SLC8A1: variants seen among roughly 807,000 people sequenced by gnomAD.
The protein encoded by SLC8A1 is solute carrier family 8 member A1, also known as sodium/calcium exchanger 1.
A neutral mutation model predicts 68.3 loss-of-function variants in SLC8A1; 18 were observed. That is an observed-to-expected ratio of 0.26 (90% CI 0.18 to 0.39). The LOEUF is 0.39. Among genes scored for constraint, SLC8A1 ranks in the 10% least tolerant of loss-of-function variants. The pLI is 1.00. For synonymous variants in SLC8A1, 475 were observed against 415.5 expected (o/e 1.14, Z -1.74); for missense variants, 985 against 1,156.7 (o/e 0.85, Z 2.15).
chr2:40,433,242 C>A (rs529045564), intron 1 of SLC8A1, among the ~76,000 whole-genome samples: 2 of 152,264 alleles, frequency 1.3e-5, no homozygotes, highest in African/African-American at 4.8e-5. Context: ...TTTCTAAGAC[C>A]TTTTATGATC....
intron 2 of SLC8A1, among the ~76,000 whole-genome samples, chr2:40,379,080 C>G (rs1379559744): frequency 1.3e-5 from 2 of 152,118 alleles, no homozygotes; most frequent in Non-Finnish European, 2.9e-5. Context: ...TAGCATCTGG[C>G]TCATAATAGA....
chr2:40,133,701 T>TCC (rs111377369), intron 7 of SLC8A1, among the ~76,000 whole-genome samples: 766 of 52,988 alleles, frequency 0.014, 2 homozygotes, highest in Non-Finnish European at 0.02. Flanking sequence ...GGGGCAAAAA[T>TCC]CCCCCCCCCC....
chr2:40,329,060 T>TCACACACACACACA (rs70957170), intron 2 of SLC8A1, among the ~76,000 whole-genome samples: 1 of 141,144 alleles, frequency 7.1e-6, no homozygotes, highest in Non-Finnish European at 1.6e-5. Context: ...CACTACAACC[T>TCACACACACACACA]CACACACACA....
At chr2:40,252,965 G>GTATATACA (rs1407022512) in intron 2 of SLC8A1, among the ~76,000 whole-genome samples, 1 of 106,456 alleles carries the variant, frequency 9.4e-6, no homozygotes, top group Non-Finnish European at 2.1e-5. Flanking sequence ...GTGTGTATAT[G>GTATATACA]TATGTACATA....
chr2:40,394,277 G>A (rs185020157), intron 2 of SLC8A1, among the ~76,000 whole-genome samples: 2 of 152,214 alleles, frequency 1.3e-5, no homozygotes, highest in East Asian at 1.9e-4. Flanking sequence ...GGGGTGGGGG[G>A]TGAATACAGC....
intron 4 of SLC8A1, among the ~76,000 whole-genome samples, chr2:40,168,613 T>G (rs1271383689): frequency 6.6e-6 from 1 of 152,248 alleles, no homozygotes; most frequent in African/African-American, 2.4e-5. Flanking sequence ...TTAGATACTT[T>G]CTGTTGAATA....
intron 6 of SLC8A1, among the ~76,000 whole-genome samples, chr2:40,159,307 T>TACC (rs2045234189): frequency 2.0e-5 from 3 of 152,362 alleles, no homozygotes; most frequent in African/African-American, 7.2e-5. Flanking sequence ...TTCGCTGTCA[T>TACC]GTGCCTTGCA....
At chr2:40,200,177 T>G (rs868039497) in intron 2 of SLC8A1, among the ~76,000 whole-genome samples, 2 of 10,420 alleles carry the variant, frequency 1.9e-4, no homozygotes, top group Non-Finnish European at 2.7e-4. Flanking sequence ...GTCATTGATA[T>G]ATATATATAT....
intron 7 of SLC8A1, among the ~76,000 whole-genome samples, chr2:40,135,585 G>A (rs1329817800): frequency 1.3e-5 from 2 of 152,108 alleles, no homozygotes; most frequent in African/African-American, 4.8e-5. Flanking sequence ...AGGCATGGTG[G>A]TATGTGCCTG....
chr2:40,212,281 A>ATGTT lies in SLC8A1; in HGVS notation c.1809-34427_1809-34426insAACA, dbSNP rs371395367. Reference sequence around the variant, plus strand: ...AGGTGCTAAACAGAAGAGATGCAATATCTTTTTTTTTTTTTTTTTTCCTGA... The same window carrying ATGTT: ...AGGTGCTAAACAGAAGAGATGCAATATGTTTCTTTTTTTTTTTTTTTTTTCCTGA... On this transcript the variant is annotated intron_variant, in intron 2 of 7. Coordinates refer to ENST00000406785, the Ensembl canonical transcript of SLC8A1. Among the ~76,000 whole-genome samples, 350 of 118,238 alleles carry ATGTT rather than the reference A, an allele frequency of 3.0e-3. 20 individuals carry two copies. The highest frequency in any genetic ancestry group is 6.4e-3 in the African/African-American group (208 of 32,302). 77.6% of individuals were successfully genotyped at this position (118,238 alleles called of 152,430 possible). A position where few individuals can be genotyped will look rare whatever the true frequency, so the allele number is the denominator to read the frequency against.
At chr2:40,155,206 T>C (rs2044246135) in intron 6 of SLC8A1, among the ~76,000 whole-genome samples, 2 of 152,086 alleles carry the variant, frequency 1.3e-5, no homozygotes, top group Non-Finnish European at 2.9e-5. Flanking sequence ...CTCTGCTCAC[T>C]GCAAGCTCTG....
chr2:40,417,516 T>C (rs1694234469), intron 2 of SLC8A1, among the ~76,000 whole-genome samples: 1 of 152,348 alleles, frequency 6.6e-6, no homozygotes, highest in South Asian at 2.1e-4. Context: ...TTGTTTTGTT[T>C]TTGTTTTTCT....
intron 2 of SLC8A1, chr2:40,213,520 A>G (rs1378875732): frequency 5.9e-5 from 9 of 152,218 alleles, no homozygotes; most frequent in African/African-American, 1.9e-4. Context: ...ATGAATGAAT[A>G]ACCGAAAGGG....
intron 1 of SLC8A1, among the ~76,000 whole-genome samples, chr2:40,444,341 G>T (rs1007103263): frequency 6.6e-6 from 1 of 152,044 alleles, no homozygotes; most frequent in Non-Finnish European, 1.5e-5. Flanking sequence ...CCTGTTTAAA[G>T]AAAAGTAAAA....
chr2:40,438,997 T>C (rs1284363286), intron 1 of SLC8A1, among the ~76,000 whole-genome samples: 2 of 152,044 alleles, frequency 1.3e-5, no homozygotes, highest in Admixed American at 6.6e-5. Context: ...CAGTAAGATG[T>C]TGATGTTAAG....
intron 2 of SLC8A1, among the ~76,000 whole-genome samples, chr2:40,257,559 A>G (rs1275546129): frequency 6.6e-6 from 1 of 152,162 alleles, no homozygotes; most frequent in Non-Finnish European, 1.5e-5. Flanking sequence ...CACTATATCC[A>G]AGAGCGTATC....
intron 6 of SLC8A1, among the ~76,000 whole-genome samples, chr2:40,148,485 A>G (rs1177352997): frequency 6.6e-6 from 1 of 152,198 alleles, no homozygotes. Flanking sequence ...TGGTGATGCA[A>G]ATTGAGTAAC....
chr2:40,414,067 G>T (rs989976395), intron 2 of SLC8A1, among the ~76,000 whole-genome samples: 4 of 152,082 alleles, frequency 2.6e-5, no homozygotes, highest in African/African-American at 9.6e-5. Context: ...GAACAATTTA[G>T]AAACAGAAAG....
intron 2 of SLC8A1, among the ~76,000 whole-genome samples, chr2:40,358,571 T>C (rs146972939): frequency 6.6e-6 from 1 of 152,308 alleles, no homozygotes; most frequent in African/African-American, 2.4e-5. Flanking sequence ...CTTTATTTTG[T>C]GGAGCTGAAC....
Sources: gnomAD v4.1 joint callset for allele counts (sites outside exome capture counted in the v4.1 genomes callset) on GRCh38, gnomAD v4.1.1 for gene constraint, MANE v1.5 for transcripts, NCBI Gene and HGNC (gene_info 2026-07-23, HGNC 2026-07-21) for gene names.